NUGGC: variants seen among roughly 807,000 people sequenced by gnomAD.
NUGGC encodes the protein nuclear GTPase, germinal center associated, also known as nuclear GTPase SLIP-GC.
NUGGC carries 58 observed loss-of-function variants against 92.6 expected under a neutral mutation model. The observed-to-expected ratio is 0.63, with a 90% CI of 0.51 to 0.78. The LOEUF is 0.78. Among genes scored for constraint, NUGGC ranks in the 30% least tolerant of loss-of-function variants. The pLI, the probability that NUGGC is intolerant of heterozygous loss-of-function variation, is 0.00. For missense variants in NUGGC, 925 were observed against 964.6 expected, an observed-to-expected ratio of 0.96 and a Z score of 0.54; for synonymous variants, 376 against 366.4, an observed-to-expected ratio of 1.03 and a Z score of -0.30.
At chr8:28,036,610 ATCT>A (rs1295317952) in intron 13 of NUGGC, among the ~76,000 whole-genome samples, 1 of 152,146 alleles carries the variant, frequency 6.6e-6, no homozygotes, top group Non-Finnish European at 1.5e-5. Flanking sequence ...ATCTTCTTAG[ATCT>A]TCTTTAAATT....
At chr8:28,072,845 A>C (rs13273028) in intron 2 of NUGGC, among the ~76,000 whole-genome samples, 1 of 150,874 alleles carries the variant, frequency 6.6e-6, no homozygotes, top group Non-Finnish European at 1.5e-5. Flanking sequence ...TGCCCTTTCC[A>C]GCATTCTCCA....
At chr8:28,047,876 A>T (rs1163970099) in intron 10 of NUGGC, among the ~76,000 whole-genome samples, 1 of 152,192 alleles carries the variant, frequency 6.6e-6, no homozygotes, top group Non-Finnish European at 1.5e-5. Flanking sequence ...TGTGTAGAGA[A>T]AATAATTCAA....
intron 12 of NUGGC, among the ~76,000 whole-genome samples, chr8:28,044,281 A>G (rs577379327): frequency 2.6e-5 from 4 of 152,216 alleles, no homozygotes; most frequent in East Asian, 1.9e-4. Flanking sequence ...TGCACATCTG[A>G]CGGGTGAAGG....
At chr8:28,060,246 CA>C in intron 8 of NUGGC, 179 bp downstream of exon 8, 1 of 720,452 alleles carries the variant, frequency 1.4e-6, no homozygotes, top group Non-Finnish European at 2.5e-6. Context: ...ATTCCTAAGA[CA>C]ACCCAACCAA....
At chr8:28,045,178 AG>A (rs1809797888) in intron 12 of NUGGC, among the ~76,000 whole-genome samples, 1 of 152,210 alleles carries the variant, frequency 6.6e-6, no homozygotes, top group African/African-American at 2.4e-5. Context: ...ACGCCTCTCC[AG>A]GGTAACCAAG....
At chr8:28,041,330 G>C in intron 12 of NUGGC, 115 bp from the exon 13 acceptor site, 4 of 1,035,212 alleles carry the variant, frequency 3.9e-6, no homozygotes, top group Non-Finnish European at 5.6e-6. Context: ...ATCACTCAGA[G>C]CTGACTTCTC....
At chr8:28,056,457 G>A (rs183012052) in intron 9 of NUGGC, among the ~76,000 whole-genome samples, 21 of 149,482 alleles carry the variant, frequency 1.4e-4, no homozygotes, top group Middle Eastern at 3.4e-3. Context: ...CAGCCTGGGC[G>A]ACAGAGTGAG....
intron 18 of NUGGC, among the ~76,000 whole-genome samples, chr8:28,024,195 CT>C (rs763885790): frequency 0.014 from 1,768 of 124,006 alleles, 6 homozygotes; most frequent in African/African-American, 0.017. Flanking sequence ...TAAATTCTTT[CT>C]TTTTTTTTTT....
At chr8:28,044,860 A>G (rs1809790618) in intron 12 of NUGGC, among the ~76,000 whole-genome samples, 1 of 152,218 alleles carries the variant, frequency 6.6e-6, no homozygotes, top group Non-Finnish European at 1.5e-5. Flanking sequence ...ACAGCTGGTG[A>G]CTGACGACAG....
In NUGGC at chr8:28,064,657, C is replaced by T. The variant is rs1340253122; in HGVS notation, c.786G>A (p.Glu262=). The change falls in exon 7 of 19, where the codon GAG becomes GAA. Residue 262 remains glutamate, a synonymous_variant. Transcript: ENST00000413272. ...GTTTGATCAAGGGCCAGATGCGCAT[C>T]TCAGCGGCCTCTCCATCCCAATCTC... The part of the protein sequence containing the change: ...QRRDWDGEAA[E]MRIWPLIKHV... The T allele has an allele frequency of 1.2e-6, 2 of 1,614,048 alleles. No individual in the cohort carries two copies. Among genetic ancestry groups the T allele is most frequent in the Non-Finnish European group, 1.7e-6 (2 of 1,179,896 alleles).
At chr8:28,045,094 C>T (rs901992277) in intron 12 of NUGGC, among the ~76,000 whole-genome samples, 3 of 152,192 alleles carry the variant, frequency 2.0e-5, no homozygotes, top group Non-Finnish European at 1.5e-5. Context: ...ACATTATTTT[C>T]CTGTGCTCTT....
At chr8:28,040,897 G>A (rs375032210) in intron 13 of NUGGC, among the ~76,000 whole-genome samples, 154 bp downstream of exon 13, 78 of 152,224 alleles carry the variant, frequency 5.1e-4, no homozygotes, top group African/African-American at 1.7e-3. Flanking sequence ...CGCCCACCTC[G>A]GCCTCCCAAA....
chr8:28,055,637 A>G (rs1810113795), intron 10 of NUGGC, among the ~76,000 whole-genome samples: 1 of 152,226 alleles, frequency 6.6e-6, no homozygotes, highest in Non-Finnish European at 1.5e-5. Flanking sequence ...GTTTGAGAAC[A>G]GTCTGGACAA....
rs1585597047 is a variant in NUGGC at position 28,068,270 on chromosome 8, C to A, written c.426G>T (p.Val142=). Residue 142 remains valine, a synonymous_variant, in exon 5 of 19, where the codon GTG becomes GTT. Transcript: ENST00000413272. ...CATACTGCACACAGCAGCCAGAGCT[C>A]ACTTGTACAATGCAGGAAGTACATA... ...ESICTSCIVQ[V]SSGCCVQYEA... The A allele has an allele frequency of 6.4e-7, 1 of 1,550,808 alleles. No homozygotes were observed. Among genetic ancestry groups the A allele is most frequent in the South Asian group, 1.2e-5 (1 of 83,990 alleles).
At position 28,033,660 on chromosome 8, in the gene NUGGC, T is replaced by C. The variant is rs535805129; in HGVS notation, c.1649A>G (p.Lys550Arg). Residue 550 changes from lysine (K) to arginine (R), a missense_variant, in exon 14 of 19, where the codon AAA becomes AGA. Lys to Arg is a conservative substitution (Grantham distance 26). Coordinates refer to ENST00000413272, the MANE Select transcript of NUGGC (RefSeq NM_001010906.2). The stretch of plus-strand genomic sequence containing the variant: ...GATGCCATTTTTCAGGCAAACAGCT[T>C]TCAGGGTCTGATGAAAACCTTGGTT... ...KGNQGFHQTLKAVCLKNGIYA... is the reference protein window; with the variant it reads ...KGNQGFHQTLRAVCLKNGIYA... 1 of 1,613,984 alleles carries C rather than the reference T, an allele frequency of 6.2e-7. No individual in the cohort carries two copies. The highest frequency in any genetic ancestry group is 1.1e-5 in the South Asian group (1 of 91,074).
At chr8:28,026,791 CAT>C (rs1809273929) in intron 18 of NUGGC, among the ~76,000 whole-genome samples, 169 bp downstream of exon 18, 1 of 152,102 alleles carries the variant, frequency 6.6e-6, no homozygotes, top group Non-Finnish European at 1.5e-5. Context: ...TCATCATCAT[CAT>C]CACCATCATC....
intron 18 of NUGGC, among the ~76,000 whole-genome samples, chr8:28,025,266 G>C (rs1476199884): frequency 2.0e-5 from 3 of 152,190 alleles, no homozygotes; most frequent in Non-Finnish European, 2.9e-5. Flanking sequence ...CCTGACAACA[G>C]GGACTGCCTT....
intron 10 of NUGGC, among the ~76,000 whole-genome samples, chr8:28,048,589 T>C (rs1809903981): frequency 6.6e-6 from 1 of 151,994 alleles, no homozygotes; most frequent in Admixed American, 6.6e-5. Context: ...TTAGTCTGGG[T>C]GCGGTGGTTC....
intron 6 of NUGGC, among the ~76,000 whole-genome samples, chr8:28,065,515 C>T (rs1288839373): frequency 6.6e-6 from 1 of 152,088 alleles, no homozygotes; most frequent in South Asian, 2.1e-4. Flanking sequence ...CAAAAAATAC[C>T]TTGATATGTA....
Sources: gnomAD v4.1 joint callset for allele counts (sites outside exome capture counted in the v4.1 genomes callset) on GRCh38, gnomAD v4.1.1 for gene constraint, MANE v1.5 for transcripts, NCBI Gene and HGNC (gene_info 2026-07-23, HGNC 2026-07-21) for gene names.